ANP32A: variants seen among roughly 807,000 people sequenced by gnomAD.
ANP32A encodes acidic nuclear phosphoprotein 32 family member A, also known as acidic leucine-rich nuclear phosphoprotein 32 family member A.
ANP32A carries 1 observed loss-of-function variant against 33.9 expected under a neutral mutation model. The ratio of observed to expected loss-of-function variants is 0.03; its 90% CI spans 0.01 to 0.14. The LOEUF is 0.14. ANP32A is among the 10% of genes least tolerant of loss of function. ANP32A has a pLI of 1.00. For synonymous variants in ANP32A, 115 were observed against 120.5 expected (o/e 0.95, Z 0.30); for missense variants, 155 against 306.0 (o/e 0.51, Z 3.68).
intron 1 of ANP32A, among the ~76,000 whole-genome samples, chr15:68,793,811 G>C (rs530449727): frequency 1.3e-5 from 2 of 152,166 alleles, no homozygotes; most frequent in African/African-American, 4.8e-5. Context: ...TGACAGCAGC[G>C]CATTAAACCA....
At chr15:68,810,625 A>G (rs1424490131) in intron 1 of ANP32A, among the ~76,000 whole-genome samples, 2 of 152,230 alleles carry the variant, frequency 1.3e-5, no homozygotes, top group African/African-American at 2.4e-5. Flanking sequence ...AATACAGGAT[A>G]AGAATGCCCA....
intron 1 of ANP32A, among the ~76,000 whole-genome samples, chr15:68,807,867 G>A (rs1247003252): frequency 1.3e-5 from 2 of 152,098 alleles, no homozygotes; most frequent in Non-Finnish European, 2.9e-5. Context: ...AAAGGTCCAC[G>A]GCCTCTCAAG....
At chr15:68,814,356 T>TTGG (rs1292100706) in intron 1 of ANP32A, among the ~76,000 whole-genome samples, 1 of 151,818 alleles carries the variant, frequency 6.6e-6, no homozygotes, top group Non-Finnish European at 1.5e-5. Flanking sequence ...GTCCAGGAGT[T>TTGG]TGAGACCAGC....
intron 1 of ANP32A, chr15:68,789,890 C>T (rs908425004): frequency 6.6e-6 from 1 of 152,334 alleles, no homozygotes; most frequent in African/African-American, 2.4e-5. Context: ...TCCTTTCCCA[C>T]CCCCTCAGTC....
intron 1 of ANP32A, among the ~76,000 whole-genome samples, chr15:68,799,008 G>C (rs1003112562): frequency 6.6e-6 from 1 of 152,184 alleles, no homozygotes; most frequent in Admixed American, 6.5e-5. Flanking sequence ...TCTATCCAAG[G>C]CCACAAAACA....
intron 1 of ANP32A, among the ~76,000 whole-genome samples, chr15:68,792,662 C>T (rs898448967): frequency 6.6e-6 from 1 of 152,186 alleles, no homozygotes; most frequent in Non-Finnish European, 1.5e-5. Context: ...GTCACTGTCA[C>T]CTCGAGTCAC....
chr15:68,811,003 T>C (rs935587102), intron 1 of ANP32A, among the ~76,000 whole-genome samples: 1 of 141,240 alleles, frequency 7.1e-6, no homozygotes, highest in Admixed American at 7.8e-5. Flanking sequence ...GAGGTTGCAG[T>C]GAGCTGAGAT....
chr15:68,798,606 CTTA>C (rs1894091998), intron 1 of ANP32A, among the ~76,000 whole-genome samples: 1 of 152,198 alleles, frequency 6.6e-6, no homozygotes, highest in Non-Finnish European at 1.5e-5. Flanking sequence ...AGACTCCAAA[CTTA>C]GGGCCCACAC....
chr15:68,780,678 G>T lies in ANP32A; in HGVS notation c.625-205C>A. 2.6e-6 allele frequency: 2 copies of T among 774,290 alleles called. No individual in the cohort carries two copies. The highest frequency in any genetic ancestry group is 3.5e-5 in the Admixed American group (1 of 28,784). The allele number at this position is 774,290 out of a possible 1,614,324, so 48.0% of individuals were successfully genotyped here. On this transcript the variant is annotated intron_variant, in intron 5 of 6. Coordinates refer to ENST00000465139, the MANE Select transcript of ANP32A (RefSeq NM_006305.4). This position sits in a 1 kb window ranked among gnomAD's most constrained non-coding sequence, Gnocchi z 4.3. Reference sequence around the variant, plus strand: ...CATTGGGAAATCTGCAGAAAGCTTTGAACTCCTTCTCCAGAAAATGTCCGT... The same window carrying T: ...CATTGGGAAATCTGCAGAAAGCTTTTAACTCCTTCTCCAGAAAATGTCCGT...
In ANP32A at chr15:68,820,894, C is replaced by T. The variant is rs1202476230; in HGVS notation, c.-143G>A. ...GAGCCCCCAGCACCCGCGGCGCACA[C>T]TAACCTGATCGCCGTGGAGGCGGGA... is the stretch of plus-strand genomic sequence containing the variant. On this transcript the variant is annotated 5_prime_UTR_variant, in exon 1 of 7. In the 5' UTR this introduces an upstream ATG that the reference lacks. Coordinates refer to ENST00000465139, the MANE Select transcript of ANP32A (RefSeq NM_006305.4). 1.0e-6 allele frequency: 1 copy of T among 970,826 alleles called. No individual in the cohort carries two copies. Among genetic ancestry groups the T allele is most frequent in the Non-Finnish European group, 1.5e-6 (1 of 649,868 alleles). 60.1% of individuals were successfully genotyped at this position (970,826 alleles called of 1,614,324 possible).
intron 1 of ANP32A, among the ~76,000 whole-genome samples, chr15:68,793,532 G>A (rs1894024890): frequency 6.6e-6 from 1 of 152,154 alleles, no homozygotes; most frequent in South Asian, 2.1e-4. Flanking sequence ...GTCCTTGCCA[G>A]CAAGAGGTGT....
intron 1 of ANP32A, among the ~76,000 whole-genome samples, chr15:68,795,471 G>A (rs912885563): frequency 1.5e-4 from 23 of 152,230 alleles, no homozygotes; most frequent in Admixed American, 7.2e-4. Flanking sequence ...CCAGGGCCCC[G>A]GCTCATAGGC....
intron 1 of ANP32A, among the ~76,000 whole-genome samples, chr15:68,796,231 A>C (rs1035771725): frequency 6.6e-6 from 1 of 152,114 alleles, no homozygotes; most frequent in African/African-American, 2.4e-5. Context: ...ACAGGCGCCC[A>C]CCACCACGTC....
Position 68,820,828 on chromosome 15 carries a change from T to C in ANP32A, c.-77A>G. ...TAAACCCCGAACCCACGGCCGCGCG[T>C]TTTAGGACTTTGAAGGCTCAACCAG... On this transcript the variant is annotated 5_prime_UTR_variant, in exon 1 of 7. Coordinates refer to ENST00000465139, the MANE Select transcript of ANP32A (RefSeq NM_006305.4). 6.4e-7 allele frequency: 1 copy of C among 1,567,518 alleles called. No individual in the cohort carries two copies. Among genetic ancestry groups the C allele is most frequent in the Non-Finnish European group, 8.8e-7 (1 of 1,142,574 alleles).
intron 1 of ANP32A, among the ~76,000 whole-genome samples, chr15:68,800,253 T>TA (rs1427739412): frequency 1.3e-5 from 2 of 152,160 alleles, no homozygotes; most frequent in Non-Finnish European, 2.9e-5. Flanking sequence ...GCAGGCCCGA[T>TA]ACAATCATTC....
At position 68,780,257 on chromosome 15, in the gene ANP32A, A is replaced by G; in HGVS notation, c.689-115T>C. On this transcript the variant is annotated intron_variant, in intron 6 of 6. Transcript: ENST00000465139. This position sits in a 1 kb window ranked among gnomAD's most constrained non-coding sequence, Gnocchi z 4.3. ...CTAGCAAGCTGTGCCATCCTTGGAA[A>G]CCGAGGCAAGACATCTGCACAGCTG... 1 of 1,562,460 alleles carries G rather than the reference A, an allele frequency of 6.4e-7. No homozygotes were observed. The highest frequency in any genetic ancestry group is 1.9e-5 in the Admixed American group (1 of 51,792).
At chr15:68,798,888 C>T (rs28489630) in intron 1 of ANP32A, among the ~76,000 whole-genome samples, 72,359 of 152,058 alleles carry the variant, frequency 0.48, 18,287 homozygotes, top group Admixed American at 0.59. Context: ...GAGCAAACGC[C>T]GCCTCGGCAC....
At chr15:68,797,364 T>C (rs1185526468) in intron 1 of ANP32A, among the ~76,000 whole-genome samples, 3 of 152,140 alleles carry the variant, frequency 2.0e-5, no homozygotes, top group Non-Finnish European at 4.4e-5. Context: ...CAGCCGTTCT[T>C]GGTGATCTTA....
At chr15:68,809,554 T>C (rs758395106) in intron 1 of ANP32A, among the ~76,000 whole-genome samples, 1 of 152,156 alleles carries the variant, frequency 6.6e-6, no homozygotes, top group African/African-American at 2.4e-5. Flanking sequence ...AACTGCAAGG[T>C]AGACATACTG....
Sources: allele counts gnomAD v4.1 joint callset (sites outside exome capture counted in the v4.1 genomes callset), GRCh38; gene constraint gnomAD v4.1.1; non-coding constraint Gnocchi (gnomAD v3.1); transcripts MANE v1.5; gene names NCBI Gene and HGNC (gene_info 2026-07-23, HGNC 2026-07-21).